ARHGAP5: variants seen among roughly 807,000 people sequenced by gnomAD.
ARHGAP5 encodes rho GTPase-activating protein 5.
A neutral mutation model predicts 116.6 loss-of-function variants in ARHGAP5; 23 were observed. The observed-to-expected ratio is 0.20, with a 90% CI of 0.14 to 0.28. The LOEUF (loss-of-function observed/expected upper bound fraction) is 0.28, where lower values mean the gene tolerates loss of function less well. ARHGAP5 is among the 10% of genes least tolerant of loss of function. The probability of loss-of-function intolerance (pLI) is 1.00; values close to 1 mark genes in which losing one functional copy is unlikely to be tolerated. For synonymous variants in ARHGAP5, 574 were observed against 602.0 expected, an observed-to-expected ratio of 0.95 and a Z score of 0.68; for missense variants, 1,405 against 1,774.8, an observed-to-expected ratio of 0.79 and a Z score of 3.74.
At chr14:32,095,366 G>A (rs116462471) in intron 2 of ARHGAP5, among the ~76,000 whole-genome samples, 2,228 of 140,956 alleles carry the variant, frequency 0.016, 53 homozygotes, top group African/African-American at 0.054. Flanking sequence ...TTTTTTTGTC[G>A]TTAGCAAATT....
chr14:32,148,183 T>TA (rs968026702), intron 4 of ARHGAP5, among the ~76,000 whole-genome samples: 11 of 151,472 alleles, frequency 7.3e-5, no homozygotes, highest in Non-Finnish European at 4.4e-5. Flanking sequence ...TCTATCTATC[T>TA]ATCTATCTAT....
In ARHGAP5 at chr14:32,094,305, T is replaced by A; in HGVS notation, c.3636T>A (p.Asp1212Glu). 6.2e-7 allele frequency: 1 copy of A among 1,613,630 alleles called. No homozygotes were observed. The highest frequency in any genetic ancestry group is 8.5e-7 in the Non-Finnish European group (1 of 1,179,858). The change falls in exon 2 of 7, where the codon GAT becomes GAA. Residue 1212 changes from aspartate to glutamate, a missense_variant. Asp to Glu is a conservative substitution (Grantham distance 45). Transcript: ENST00000345122. ...SPVETWKGGI[D>E]NPAITSDQEL... ...TTGAAACTTGGAAAGGTGGTATTGA[T>A]AATCCTGCAATCACTTCTGACCAGG...
chr14:32,085,500 C>T (rs922317311), intron 1 of ARHGAP5, among the ~76,000 whole-genome samples: 1 of 152,168 alleles, frequency 6.6e-6, no homozygotes, highest in Non-Finnish European at 1.5e-5. Flanking sequence ...ACACTCTGTT[C>T]ATCTTTTTGT....
intron 1 of ARHGAP5, among the ~76,000 whole-genome samples, chr14:32,079,351 C>A (rs1276305395): frequency 1.3e-5 from 2 of 152,088 alleles, no homozygotes; most frequent in African/African-American, 2.4e-5. Flanking sequence ...CGGCAGAATT[C>A]TGTTATCTTT....
At chr14:32,111,675 A>T (rs1001271330) in intron 2 of ARHGAP5, among the ~76,000 whole-genome samples, 12 of 152,078 alleles carry the variant, frequency 7.9e-5, no homozygotes, top group African/African-American at 2.4e-4. Flanking sequence ...AATAAGAATG[A>T]TATAGCAGGA....
At chr14:32,123,258 G>A (rs77864611) in intron 3 of ARHGAP5, among the ~76,000 whole-genome samples, 25,364 of 151,654 alleles carry the variant, frequency 0.17, 2,979 homozygotes, top group Admixed American at 0.37. Context: ...TATAATTTTC[G>A]AATTTGGAAA....
Position 32,137,273 on chromosome 14 carries a change from G to A in ARHGAP5, c.3866-8990G>A, listed in dbSNP as rs114756466. 8.4e-3 allele frequency among the ~76,000 whole-genome samples: 1,249 copies of A among 148,314 alleles called. 11 individuals are homozygous for A. The highest frequency in any genetic ancestry group is 0.024 in the African/African-American group (949 of 39,874). On this transcript the variant is annotated intron_variant, in intron 3 of 6. Coordinates refer to ENST00000345122, the MANE Select transcript of ARHGAP5 (RefSeq NM_001030055.2). ...TAGTATGAGGTAGAGATCTAAATTC[G>A]TTCTTAAGCATGTGGATATTCGCCT... is the stretch of plus-strand genomic sequence containing the variant.
rs1878271857 is a variant in ARHGAP5, at chr14:32,091,926, G to A, written c.1257G>A (p.Gln419=). Reference sequence around the variant, plus strand: ...AAAAAGTCTATCAGAACCATGTACAGCATCTGATATCCGAGAAGAGGAGGG... The same window carrying A: ...AAAAAGTCTATCAGAACCATGTACAACATCTGATATCCGAGAAGAGGAGGG... ...EAEKVYQNHV[Q]HLISEKRRVE... The change falls in exon 2 of 7, where the codon CAG becomes CAA. Residue 419 remains glutamine (Q), a synonymous_variant. Transcript: ENST00000345122. The A allele has an allele frequency of 1.2e-6, 2 of 1,613,504 alleles. No individual in the cohort carries two copies. The highest frequency in any genetic ancestry group is 2.2e-5 in the East Asian group (1 of 44,876).
At position 32,153,406 on chromosome 14, in the gene ARHGAP5, C is replaced by CAAAAAAAAAAAAAAAAAAAAAAAAAA. The variant is rs771660350; in HGVS notation, c.4181+893_4181+918dup. On this transcript the variant is annotated intron_variant, in intron 6 of 6. Transcript: ENST00000345122. ...TGGCCAACAGAGCAAGACTCTGTCT[C>CAAAAAAAAAAAAAAAAAAAAAAAAAA]AAAAAAAAAAAAAAAAAAAAAAAAA... 1.3e-4 allele frequency among the ~76,000 whole-genome samples: 2 copies of CAAAAAAAAAAAAAAAAAAAAAAAAAA among 15,158 alleles called. 1 individual carries two copies. The highest frequency in any genetic ancestry group is 3.2e-4 in the African/African-American group (2 of 6,216). 9.9% of individuals were successfully genotyped at this position (15,158 alleles called of 152,430 possible). A position where few individuals can be genotyped will look rare whatever the true frequency, so the allele number is the denominator to read the frequency against.
chr14:32,117,934 T>G (rs1381985622), intron 3 of ARHGAP5, among the ~76,000 whole-genome samples: 1 of 147,300 alleles, frequency 6.8e-6, no homozygotes, highest in African/African-American at 2.7e-5. Flanking sequence ...TTTGAGTGCA[T>G]TTAAAATGAA....
At chr14:32,085,926 C>T (rs1219212915) in intron 1 of ARHGAP5, among the ~76,000 whole-genome samples, 1 of 152,092 alleles carries the variant, frequency 6.6e-6, no homozygotes, top group Non-Finnish European at 1.5e-5. Flanking sequence ...CTTTCATTCT[C>T]ATGGTTTCAT....
At position 32,133,115 on chromosome 14, in the gene ARHGAP5, C is replaced by T. The variant is rs1355707096; in HGVS notation, c.3866-13148C>T. Among the ~76,000 whole-genome samples the T allele has an allele frequency of 7.9e-5, 12 of 152,240 alleles. No homozygotes were observed. In the South Asian group the frequency reaches 1.2e-3, roughly 16 times the overall value. The stretch of plus-strand genomic sequence containing the variant: ...AACTTTAAAGTAGTTTTTTCCAATT[C>T]TGTGAAGAAAGTCATTGGTAGCTTG... On this transcript the variant is annotated intron_variant, in intron 3 of 6. Transcript: ENST00000345122.
chr14:32,124,729 T>C (rs1880056091), intron 3 of ARHGAP5, among the ~76,000 whole-genome samples: 1 of 152,206 alleles, frequency 6.6e-6, no homozygotes, highest in Non-Finnish European at 1.5e-5. Flanking sequence ...GTGGGACATA[T>C]AAAAGCCTAA....
intron 3 of ARHGAP5, among the ~76,000 whole-genome samples, chr14:32,125,203 C>T (rs1320697308): frequency 6.6e-6 from 1 of 152,184 alleles, no homozygotes; most frequent in Non-Finnish European, 1.5e-5. Flanking sequence ...AGTAACCAAT[C>T]TGCTTTATGG....
chr14:32,146,217 A>T, intron 3 of ARHGAP5, 46 bp from the exon 4 acceptor site: 1 of 1,385,796 alleles, frequency 7.2e-7, no homozygotes, highest in South Asian at 1.2e-5. Flanking sequence ...AGCCGTGTGG[A>T]TATATATGTG....
At chr14:32,139,696 A>G (rs1400829228) in intron 3 of ARHGAP5, among the ~76,000 whole-genome samples, 1 of 150,148 alleles carries the variant, frequency 6.7e-6, no homozygotes, top group Non-Finnish European at 1.5e-5. Context: ...TCTACTTTCT[A>G]TTTTATCTCT....
At chr14:32,105,588 A>G (rs1021474917) in intron 2 of ARHGAP5, among the ~76,000 whole-genome samples, 4 of 152,152 alleles carry the variant, frequency 2.6e-5, no homozygotes, top group African/African-American at 7.2e-5. Context: ...GTTGACATTA[A>G]TATGATCTAC....
At chr14:32,153,051 GTT>G (rs773823740) in intron 6 of ARHGAP5, among the ~76,000 whole-genome samples, 6 of 79,904 alleles carry the variant, frequency 7.5e-5, no homozygotes, top group Admixed American at 2.0e-4. Flanking sequence ...GGTTTTTTTT[GTT>G]TTTTTTTTTT....
At chr14:32,095,593 A>G (rs562150428) in intron 2 of ARHGAP5, among the ~76,000 whole-genome samples, 1 of 151,950 alleles carries the variant, frequency 6.6e-6, no homozygotes, top group East Asian at 1.9e-4. Context: ...TTGTATTTTT[A>G]GTAGGATGGG....
Sources: allele counts gnomAD v4.1 joint callset (sites outside exome capture counted in the v4.1 genomes callset), GRCh38; gene constraint gnomAD v4.1.1; transcripts MANE v1.5; gene names NCBI Gene and HGNC (gene_info 2026-07-23, HGNC 2026-07-21).